SSBP2: variants seen among roughly 807,000 people sequenced by gnomAD.
The protein encoded by SSBP2 is single-stranded DNA-binding protein 2.
Under a neutral mutation model 61.8 loss-of-function variants are expected in SSBP2, and 17 were observed. The ratio of observed to expected loss-of-function variants is 0.28; its 90% CI spans 0.19 to 0.41. SSBP2 has a LOEUF of 0.41. Among genes scored for constraint, SSBP2 ranks in the 10% least tolerant of loss-of-function variants. The pLI, the probability that SSBP2 is intolerant of heterozygous loss-of-function variation, is 1.00. For missense variants in SSBP2, 310 were observed against 458.7 expected (o/e 0.68, Z 2.96); for synonymous variants, 139 against 141.3 (o/e 0.98, Z 0.12).
chr5:81,431,568 T>C (rs569400901), intron 15 of SSBP2, among the ~76,000 whole-genome samples: 2 of 152,168 alleles, frequency 1.3e-5, no homozygotes, highest in African/African-American at 4.8e-5. Flanking sequence ...TGATTTCTTC[T>C]AGCAGGTATT....
intron 1 of SSBP2, among the ~76,000 whole-genome samples, chr5:81,678,830 C>CA (rs1313287039): frequency 2.0e-5 from 3 of 151,900 alleles, no homozygotes; most frequent in Non-Finnish European, 1.5e-5. Context: ...AATTATCTTT[C>CA]AAAAGTGAAA....
At chr5:81,433,592 T>TA (rs532034844) in intron 15 of SSBP2, among the ~76,000 whole-genome samples, 1,113 of 103,982 alleles carry the variant, frequency 0.011, 7 homozygotes, top group Middle Eastern at 0.024. Context: ...GAATGATCAA[T>TA]AAAAAAAAAA....
intron 5 of SSBP2, among the ~76,000 whole-genome samples, chr5:81,507,072 G>C (rs1314625478): frequency 1.3e-5 from 2 of 151,824 alleles, no homozygotes; most frequent in Non-Finnish European, 2.9e-5. Context: ...AAAGCATTAG[G>C]TCAGCTTGCT....
At chr5:81,601,152 T>C (rs979654615) in intron 4 of SSBP2, among the ~76,000 whole-genome samples, 4 of 152,216 alleles carry the variant, frequency 2.6e-5, no homozygotes, top group African/African-American at 7.2e-5. Context: ...TCAACCATTA[T>C]ACATCTCTAA....
intron 1 of SSBP2, among the ~76,000 whole-genome samples, chr5:81,744,730 G>C (rs1581466595): frequency 6.6e-6 from 1 of 151,978 alleles, no homozygotes; most frequent in Non-Finnish European, 1.5e-5. Flanking sequence ...ATAGGAGATT[G>C]CCAGGTCATT....
intron 4 of SSBP2, among the ~76,000 whole-genome samples, chr5:81,556,094 C>T (rs1478532128): frequency 6.6e-6 from 1 of 152,030 alleles, no homozygotes; most frequent in African/African-American, 2.4e-5. Flanking sequence ...AGTTTGCTGG[C>T]CCATATTCTA....
chr5:81,436,188 A>C (rs1762667654), intron 15 of SSBP2, among the ~76,000 whole-genome samples: 1 of 120,914 alleles, frequency 8.3e-6, no homozygotes, highest in African/African-American at 4.3e-5. Context: ...ACTCCATCAA[A>C]AAAAAAAAAA....
intron 1 of SSBP2, among the ~76,000 whole-genome samples, chr5:81,669,172 C>T (rs1751391163): frequency 6.6e-6 from 1 of 151,964 alleles, no homozygotes; most frequent in Non-Finnish European, 1.5e-5. Flanking sequence ...TACAACAAAC[C>T]CTGACAACAG....
At chr5:81,692,988 G>A (rs193100579) in intron 1 of SSBP2, among the ~76,000 whole-genome samples, 231 of 151,980 alleles carry the variant, frequency 1.5e-3, no homozygotes, top group African/African-American at 4.1e-3. Flanking sequence ...GGTGGATCAC[G>A]AGGTCAGGAG....
chr5:81,749,051 TCTGA>T (rs1385232689), intron 1 of SSBP2, among the ~76,000 whole-genome samples: 5 of 152,074 alleles, frequency 3.3e-5, no homozygotes, highest in Non-Finnish European at 7.4e-5. Flanking sequence ...TTTCAATCAC[TCTGA>T]CTAATGTGAA....
chr5:81,531,585 T>C (rs891631552), intron 4 of SSBP2, among the ~76,000 whole-genome samples: 4 of 152,064 alleles, frequency 2.6e-5, no homozygotes, highest in African/African-American at 7.2e-5. Context: ...ATGCTTATTG[T>C]GAGGCTTCAG....
chr5:81,448,703 CTCT>C lies in SSBP2; in HGVS notation c.723+84_723+86del, dbSNP rs1490591655. The C allele has an allele frequency of 1.1e-5, 14 of 1,330,958 alleles. No individual in the cohort carries two copies. The African/African-American group carries it at 1.6e-4, about 15-fold the overall frequency. 82.4% of individuals were successfully genotyped at this position (1,330,958 alleles called of 1,614,324 possible). On this transcript the variant is annotated intron_variant, in intron 11 of 16. Transcript: ENST00000320672. ...TCACTTCTTGGCCAATACACAGGGG[CTCT>C]TCTTAACATCTGGACAACTGTTTCA...
chr5:81,458,763 G>A (rs1364946374), intron 10 of SSBP2, among the ~76,000 whole-genome samples: 5 of 152,058 alleles, frequency 3.3e-5, no homozygotes, highest in Admixed American at 1.3e-4. Flanking sequence ...ATGGTTTTTG[G>A]GGAAAAATAC....
At chr5:81,715,547 T>C (rs1429982016) in intron 1 of SSBP2, among the ~76,000 whole-genome samples, 2 of 152,162 alleles carry the variant, frequency 1.3e-5, no homozygotes, top group African/African-American at 4.8e-5. Flanking sequence ...GATATGTTCA[T>C]AGAAAACAAA....
intron 1 of SSBP2, among the ~76,000 whole-genome samples, chr5:81,678,085 T>C (rs572732045): frequency 2.0e-5 from 3 of 152,308 alleles, no homozygotes; most frequent in Admixed American, 2.0e-4. Flanking sequence ...GGGTCTGATA[T>C]GGCAGGAATG....
intron 1 of SSBP2, among the ~76,000 whole-genome samples, chr5:81,718,371 T>C (rs958240398): frequency 2.0e-5 from 3 of 151,422 alleles, no homozygotes; most frequent in African/African-American, 2.4e-5. Flanking sequence ...TGAGAAAAAA[T>C]AGCCGATAAC....
intron 8 of SSBP2, among the ~76,000 whole-genome samples, chr5:81,468,353 T>C (rs993748151): frequency 6.6e-6 from 1 of 152,004 alleles, no homozygotes; most frequent in African/African-American, 2.4e-5. Context: ...GTTTCTCTGA[T>C]TTAGTCTCTC....
intron 5 of SSBP2, among the ~76,000 whole-genome samples, chr5:81,510,816 A>G (rs892039380): frequency 6.6e-6 from 1 of 152,042 alleles, no homozygotes; most frequent in Admixed American, 6.6e-5. Flanking sequence ...TTCTCTCCCT[A>G]TCTTCAGACT....
At chr5:81,677,521 A>G (rs1752074882) in intron 1 of SSBP2, among the ~76,000 whole-genome samples, 1 of 152,148 alleles carries the variant, frequency 6.6e-6, no homozygotes, top group Non-Finnish European at 1.5e-5. Flanking sequence ...GTCCAAGAGT[A>G]AAAAAACTCC....
Sources: gnomAD v4.1 joint callset for allele counts (sites outside exome capture counted in the v4.1 genomes callset) on GRCh38, gnomAD v4.1.1 for gene constraint, MANE v1.5 for transcripts, NCBI Gene and HGNC (gene_info 2026-07-23, HGNC 2026-07-21) for gene names.